The following RNF17 variants were observed in gnomAD, a reference collection of about 807,000 sequenced individuals.
RNF17 encodes ring finger protein 17.
In RNF17, 31 loss-of-function variants were observed where a neutral mutation model predicts 200.5. That is an observed-to-expected ratio of 0.15 (90% CI 0.12 to 0.21). The LOEUF (loss-of-function observed/expected upper bound fraction) is 0.21. Among genes scored for constraint, RNF17 ranks in the 10% least tolerant of loss-of-function variants. The pLI, the probability that RNF17 is intolerant of heterozygous loss-of-function variation, is 1.00. For missense variants in RNF17, 1,628 were observed against 1,905.1 expected (o/e 0.85, Z 2.71); for synonymous variants, 606 against 637.8 (o/e 0.95, Z 0.75).
At chr13:24,885,235 TA>T in the RNF17 span, 1 of 1,328,778 alleles carries the variant, frequency 7.5e-7, no homozygotes, top group Admixed American at 1.7e-5. Context: ...AACCCATGTT[TA>T]TTTTTTATAG....
chr13:24,766,271 A>AT (rs1481336069), intron 1 of RNF17, among the ~76,000 whole-genome samples: 1 of 152,252 alleles, frequency 6.6e-6, no homozygotes, highest in Non-Finnish European at 1.5e-5. Context: ...GAACTCTATA[A>AT]TTATTTTGCT....
chr13:24,795,838 A>G (rs1438511169), intron 10 of RNF17, among the ~76,000 whole-genome samples: 3 of 152,224 alleles, frequency 2.0e-5, no homozygotes, highest in Non-Finnish European at 4.4e-5. Context: ...GAGTTACAGC[A>G]TATACGTTGA....
In RNF17 at chr13:24,802,547, C is replaced by G. The variant is rs986022132; in HGVS notation, c.1925C>G (p.Ala642Gly). The change falls in exon 14 of 36, where the codon GCG (alanine) becomes GGG (glycine). Residue 642 changes from alanine (A) to glycine (G), a missense_variant. Around this residue, in one of 5 missense-constraint regions of RNF17, gnomAD observed 289 missense variants for 384.9 expected, o/e 0.75. Coordinates refer to ENST00000255324, the MANE Select transcript of RNF17 (RefSeq NM_031277.3). Reference sequence around the variant, plus strand: ...GATATGCCTGTGTCTCTTAGAGATGCGCTAGTTTTTATGGAACTAGCAAAG... The same window carrying G: ...GATATGCCTGTGTCTCTTAGAGATGGGCTAGTTTTTATGGAACTAGCAAAG... ...SSDMPVSLRDALVFMELAKFK... is the reference protein window; with the variant it reads ...SSDMPVSLRDGLVFMELAKFK... 3.1e-6 allele frequency: 5 copies of G among 1,605,372 alleles called. No homozygotes were observed. In the African/African-American group the frequency reaches 5.4e-5, roughly 17 times the overall value.
intron 6 of RNF17, among the ~76,000 whole-genome samples, chr13:24,782,209 TC>T (rs1882474554): frequency 6.6e-6 from 1 of 152,148 alleles, no homozygotes; most frequent in Admixed American, 6.5e-5. Context: ...AGGGTCTTGC[TC>T]TGTTGCCCAG....
chr13:24,888,008 A>G, the RNF17 span, among the ~76,000 whole-genome samples: 1 of 152,196 alleles, frequency 6.6e-6, no homozygotes, highest in Non-Finnish European at 1.5e-5. Flanking sequence ...CCACTCATCT[A>G]TGTCTTTACG....
At chr13:24,824,739 A>G (rs994511258) in intron 15 of RNF17, among the ~76,000 whole-genome samples, 1 of 152,238 alleles carries the variant, frequency 6.6e-6, no homozygotes. Context: ...GGATATTCAT[A>G]TAATGCCAAA....
intron 12 of RNF17, 27 bp from the exon 13 acceptor site, chr13:24,800,339 A>C: frequency 1.3e-6 from 2 of 1,484,110 alleles, no homozygotes; most frequent in Non-Finnish European, 1.8e-6. Context: ...CATTATTTTC[A>C]ATAAATATTA....
downstream of RNF17, chr13:24,884,129 G>T (rs745448155): frequency 3.7e-6 from 6 of 1,612,706 alleles, no homozygotes; most frequent in South Asian, 2.2e-5. Context: ...AGGAAGGGAA[G>T]AATTTAATGA....
rs777888152 is a variant in RNF17, at chr13:24,797,705, A to AGTGT, written c.1399+1447_1399+1450dup. Among the ~76,000 whole-genome samples, 926 of 119,066 alleles carry AGTGT rather than the reference A, an allele frequency of 7.8e-3. 18 individuals carry two copies. The highest frequency in any genetic ancestry group is 0.023 in the African/African-American group (714 of 31,258). 78.1% of individuals were successfully genotyped at this position (119,066 alleles called of 152,430 possible). A position where few individuals can be genotyped will look rare whatever the true frequency, so the allele number is the denominator to read the frequency against. On this transcript the variant is annotated intron_variant, in intron 11 of 35. Transcript: ENST00000255324. ...GAGAGAGAGAGAGAGAGAGACAAAG[A>AGTGT]GTGTGTGTGTGTGTGTGTGTGTGTG...
intron 31 of RNF17, among the ~76,000 whole-genome samples, chr13:24,870,034 C>T (rs1185541279): frequency 2.0e-5 from 3 of 150,974 alleles, no homozygotes; most frequent in Admixed American, 6.6e-5. Context: ...CTCCACTTCC[C>T]GGGTTCACAC....
intron 26 of RNF17, among the ~76,000 whole-genome samples, chr13:24,860,277 A>T (rs1189016814): frequency 2.6e-5 from 4 of 152,126 alleles, no homozygotes; most frequent in African/African-American, 9.7e-5. Flanking sequence ...CAAAATAAAT[A>T]AGATGGTGAA....
At chr13:24,776,949 G>A (rs1249342088) in intron 3 of RNF17, among the ~76,000 whole-genome samples, 1 of 152,166 alleles carries the variant, frequency 6.6e-6, no homozygotes, top group Non-Finnish European at 1.5e-5. Context: ...GAGTTGCAAA[G>A]TGAAATTTTA....
rs1328891514 is a variant in RNF17 at position 24,879,311 on chromosome 13, C to T, written c.*10+16C>T. 8.2e-6 allele frequency: 12 copies of T among 1,468,630 alleles called. No individual in the cohort carries two copies. Among genetic ancestry groups the T allele is most frequent in the Middle Eastern group, 1.7e-4 (1 of 5,816 alleles). 91.0% of individuals were successfully genotyped at this position (1,468,630 alleles called of 1,614,324 possible). On this transcript the variant is annotated intron_variant, in intron 35 of 35. Coordinates refer to ENST00000255324, the MANE Select transcript of RNF17 (RefSeq NM_031277.3). ...GTGCCTAAGTGTAAGTTCTCATTCT[C>T]TTCATAGCATAAGGCATGGGACTAG... is the stretch of plus-strand genomic sequence containing the variant.
chr13:24,817,066 G>T (rs1887494553), intron 15 of RNF17, among the ~76,000 whole-genome samples: 1 of 152,132 alleles, frequency 6.6e-6, no homozygotes, highest in African/African-American at 2.4e-5. Context: ...GTATTGCAAG[G>T]GATATTGATC....
At chr13:24,887,453 T>C in the RNF17 span, among the ~76,000 whole-genome samples, 152,257 of 152,262 alleles carry the variant, frequency 1, 76,126 homozygotes, top group Non-Finnish European at 1. Flanking sequence ...AGATCAGCAG[T>C]GGCATTAGAT....
chr13:24,881,940 CTATATAGA>C (rs368873014), downstream of RNF17, among the ~76,000 whole-genome samples: 1 of 79,488 alleles, frequency 1.3e-5, no homozygotes, highest in African/African-American at 3.7e-5. Flanking sequence ...ATAGATACAT[CTATATAGA>C]TATATAGATA....
At chr13:24,787,615 C>T (rs1013529277) in intron 6 of RNF17, among the ~76,000 whole-genome samples, 1 of 152,154 alleles carries the variant, frequency 6.6e-6, no homozygotes, top group Non-Finnish European at 1.5e-5. Context: ...GTATATATAA[C>T]TGCTTTTATA....
At chr13:24,763,510 C>T (rs772564223), upstream of RNF17, among the ~76,000 whole-genome samples, 3 of 151,966 alleles carry the variant, frequency 2.0e-5, no homozygotes, top group Non-Finnish European at 4.4e-5. Context: ...AGCCACCGCG[C>T]CGGGCCCAGA....
In RNF17 at chr13:24,789,473, G is replaced by A; in HGVS notation, c.860+49G>A. 4.6e-6 allele frequency: 6 copies of A among 1,310,142 alleles called. 2 individuals carry two copies. The South Asian group carries it at 7.7e-5, about 17-fold the overall frequency. The allele number at this position is 1,310,142 out of a possible 1,614,324, so 81.2% of individuals were successfully genotyped here. Reference sequence around the variant, plus strand: ...ACCATAACAAGTATAAAGATGTGCTGGAACTTAAATGTATTAAAATAGCAA... The same window carrying A: ...ACCATAACAAGTATAAAGATGTGCTAGAACTTAAATGTATTAAAATAGCAA... On this transcript the variant is annotated intron_variant, in intron 8 of 35. Coordinates refer to ENST00000255324, the MANE Select transcript of RNF17 (RefSeq NM_031277.3).
Sources: gnomAD v4.1 joint callset for allele counts (sites outside exome capture counted in the v4.1 genomes callset) on GRCh38, gnomAD v4.1.1 for gene constraint, gnomAD v4.1.1 regional missense constraint, MANE v1.5 for transcripts, NCBI Gene and HGNC (gene_info 2026-07-23, HGNC 2026-07-21) for gene names.